Variants in TJP2 observed in about 807,000 individuals in gnomAD.
TJP2 encodes the protein tight junction protein 2.
TJP2 carries 91 observed loss-of-function variants against 133.1 expected under a neutral mutation model. The ratio of observed to expected loss-of-function variants is 0.68; its 90% CI spans 0.58 to 0.81. The LOEUF is 0.81. TJP2 is among the 40% of genes least tolerant of loss of function. TJP2 has a pLI of 0.00. For synonymous variants in TJP2, 592 were observed against 583.4 expected (o/e 1.01, Z -0.21); for missense variants, 1,541 against 1,565.6 (o/e 0.98, Z 0.26).
At position 69,201,028 on chromosome 9, in the gene TJP2, C is replaced by T. The variant is rs143765275; in HGVS notation, c.61-11520C>T. Among the ~76,000 whole-genome samples, 202 of 152,270 alleles carry T rather than the reference C, an allele frequency of 1.3e-3. 1 individual carries two copies. Among genetic ancestry groups the T allele is most frequent in the South Asian group, 9.8e-3 (47 of 4,816 alleles). ...GCATAAGTACTCAGGGAGTATATGT[C>T]GAATGAATGAGCCTCTTGGTGGGCT... On this transcript the variant is annotated intron_variant, in intron 1 of 22. Coordinates refer to ENST00000377245, the MANE Select transcript of TJP2 (RefSeq NM_004817.4).
At chr9:69,238,497 C>T (rs1018369953) in intron 15 of TJP2, among the ~76,000 whole-genome samples, 9 of 152,112 alleles carry the variant, frequency 5.9e-5, no homozygotes, top group African/African-American at 2.2e-4. Context: ...AGAATCCAAG[C>T]TAGTTGTCTC....
intron 1 of TJP2, among the ~76,000 whole-genome samples, chr9:69,147,658 T>C (rs1432709104): frequency 6.6e-6 from 1 of 152,158 alleles, no homozygotes; most frequent in Non-Finnish European, 1.5e-5. Context: ...AGAGATAACC[T>C]CTACTAGCAA....
chr9:69,244,578 A>G (rs1830797919), intron 17 of TJP2, among the ~76,000 whole-genome samples: 1 of 152,250 alleles, frequency 6.6e-6, no homozygotes, highest in Admixed American at 6.5e-5. Flanking sequence ...GGCATAACCC[A>G]GAGGTTAGGA....
intron 17 of TJP2, among the ~76,000 whole-genome samples, chr9:69,242,873 T>C (rs1830665133): frequency 6.6e-6 from 1 of 152,200 alleles, no homozygotes; most frequent in Non-Finnish European, 1.5e-5. Flanking sequence ...ATAGTTTTTG[T>C]TTGTTTTTGA....
chr9:69,145,600 A>G (rs1033053705), intron 1 of TJP2: 37 of 641,854 alleles, frequency 5.8e-5, no homozygotes, highest in Non-Finnish European at 7.3e-5. Context: ...CTAGGGCTAC[A>G]TAGAGAACAT....
At chr9:69,218,556 G>C in intron 4 of TJP2, 197 bp downstream of exon 4, 1 of 612,740 alleles carries the variant, frequency 1.6e-6, no homozygotes. Context: ...CTTCTCCTGA[G>C]GCCAGTGATT....
chr9:69,141,139 C>T (rs1823002108), intron 1 of TJP2, among the ~76,000 whole-genome samples: 1 of 152,264 alleles, frequency 6.6e-6, no homozygotes. Context: ...GCGTGAGCCA[C>T]TGCACCCGGC....
rs1450915475 is a variant in TJP2 at position 69,248,198 on chromosome 9, T to G, written c.2854T>G (p.Ser952Ala). 6.2e-6 allele frequency: 10 copies of G among 1,608,850 alleles called. No individual in the cohort carries two copies. Among genetic ancestry groups the G allele is most frequent in the Non-Finnish European group, 7.6e-6 (9 of 1,177,464 alleles). ...EEPLVSSITR[S>A]SEPVQHEESI... Reference sequence around the variant, plus strand: ...GCCGCTGGTGTCGTCCATCACCCGCTCCTCGGAGCCGGTGCAGCACGAGGA... The same window carrying G: ...GCCGCTGGTGTCGTCCATCACCCGCGCCTCGGAGCCGGTGCAGCACGAGGA... The change falls in exon 19 of 23, where the codon TCC (serine) becomes GCC (alanine). Residue 952 changes from serine to alanine, a missense_variant. Physicochemically the swap from Ser to Ala is moderately conservative, Grantham distance 99. Transcript: ENST00000377245.
At chr9:69,141,142 C>T (rs1587895535) in intron 1 of TJP2, among the ~76,000 whole-genome samples, 1 of 152,228 alleles carries the variant, frequency 6.6e-6, no homozygotes, top group Non-Finnish European at 1.5e-5. Context: ...TGAGCCACTG[C>T]ACCCGGCCTG....
intron 1 of TJP2, among the ~76,000 whole-genome samples, chr9:69,199,674 A>G (rs1826847360): frequency 6.6e-6 from 1 of 152,192 alleles, no homozygotes. Context: ...GGCTGATTTC[A>G]TTTAGTGCTC....
At chr9:69,180,954 C>G (rs1158207239) in intron 1 of TJP2, among the ~76,000 whole-genome samples, 2 of 152,114 alleles carry the variant, frequency 1.3e-5, no homozygotes, top group Non-Finnish European at 2.9e-5. Flanking sequence ...TAACAGAGCA[C>G]CAACACATCC....
At chr9:69,174,923 T>A (rs1824962564) in intron 1 of TJP2, among the ~76,000 whole-genome samples, 1 of 151,876 alleles carries the variant, frequency 6.6e-6, no homozygotes, top group African/African-American at 2.4e-5. Context: ...TTTTTTTTTT[T>A]TTTTTCCAGT....
At chr9:69,145,147 C>T (rs77078340) in intron 1 of TJP2, among the ~76,000 whole-genome samples, 2,652 of 152,248 alleles carry the variant, frequency 0.017, 43 homozygotes, top group Non-Finnish European at 0.028. Flanking sequence ...TTAATCTTTG[C>T]TATTGACCCA....
intron 2 of TJP2, among the ~76,000 whole-genome samples, chr9:69,151,941 T>C (rs944599125): frequency 2.0e-5 from 3 of 152,230 alleles, no homozygotes; most frequent in Admixed American, 2.0e-4. Flanking sequence ...TACCAAAGAA[T>C]AGAAACATCT....
intron 1 of TJP2, among the ~76,000 whole-genome samples, chr9:69,135,960 CTAATA>C (rs1416123835): frequency 4.6e-5 from 7 of 152,036 alleles, no homozygotes; most frequent in Non-Finnish European, 1.0e-4. Flanking sequence ...GAAGTAAACT[CTAATA>C]TTATTGGACG....
At chr9:69,132,477 G>C (rs1283763126) in intron 1 of TJP2, among the ~76,000 whole-genome samples, 1 of 152,178 alleles carries the variant, frequency 6.6e-6, no homozygotes, top group African/African-American at 2.4e-5. Flanking sequence ...GCCTGGTGCT[G>C]CAGGAGAAGG....
At chr9:69,192,327 T>C (rs569749295) in intron 1 of TJP2, among the ~76,000 whole-genome samples, 1 of 152,188 alleles carries the variant, frequency 6.6e-6, no homozygotes, top group African/African-American at 2.4e-5. Context: ...CACTTGATCC[T>C]CACCAAGAAC....
intron 15 of TJP2, 29 bp downstream of exon 15, chr9:69,238,002 C>T (rs2133394580): frequency 1.9e-6 from 3 of 1,558,942 alleles, no homozygotes; most frequent in East Asian, 2.2e-5. Flanking sequence ...TTTTTTCCCC[C>T]AAATTTTTAT....
At chr9:69,156,308 G>T (rs1362043726) in intron 2 of TJP2, among the ~76,000 whole-genome samples, 7 of 152,120 alleles carry the variant, frequency 4.6e-5, no homozygotes, top group Non-Finnish European at 8.8e-5. Flanking sequence ...AGGTTGCGGT[G>T]AGCTGAGATT....
Sources: allele counts gnomAD v4.1 joint callset (sites outside exome capture counted in the v4.1 genomes callset), GRCh38; gene constraint gnomAD v4.1.1; transcripts MANE v1.5; gene names NCBI Gene and HGNC (gene_info 2026-07-23, HGNC 2026-07-21).